The following MCM8 variants were observed in gnomAD, a reference collection of about 807,000 sequenced individuals.
MCM8 encodes minichromosome maintenance 8 homologous recombination repair factor, also known as DNA helicase MCM8.
In MCM8, 85 loss-of-function variants were observed where a neutral mutation model predicts 98.9. That is an observed-to-expected ratio of 0.86 (90% confidence interval 0.72 to 1.03). The LOEUF (loss-of-function observed/expected upper bound fraction) is 1.03. Ranked by LOEUF, MCM8 falls within the 50% of genes least tolerant of loss-of-function variation. The probability of loss-of-function intolerance (pLI) is 0.00; values close to 1 mark genes in which losing one functional copy is unlikely to be tolerated. For synonymous variants in MCM8, 352 were observed against 338.6 expected (o/e 1.04, Z -0.44); for missense variants, 951 against 997.8 (o/e 0.95, Z 0.63).
chr20:5,951,466 C>G (rs1370213306), intron 1 of MCM8, among the ~76,000 whole-genome samples: 1 of 152,024 alleles, frequency 6.6e-6, no homozygotes, highest in Non-Finnish European at 1.5e-5. Flanking sequence ...TACTTGTATA[C>G]TTAGGATATG....
chr20:5,991,549 A>G (rs1217396731), intron 17 of MCM8: 1 of 152,218 alleles, frequency 6.6e-6, no homozygotes, highest in African/African-American at 2.4e-5. Flanking sequence ...TTGTCTCAGT[A>G]TGTTTACTGG....
At chr20:5,984,648 CT>C (rs2089693190) in intron 14 of MCM8, 132 bp from the exon 15 acceptor site, 1 of 658,654 alleles carries the variant, frequency 1.5e-6, no homozygotes, top group Non-Finnish European at 2.6e-6. Context: ...AAGCTATTTG[CT>C]TATTTCTTTA....
chr20:5,986,099 A>G lies in MCM8; in HGVS notation c.2131A>G (p.Arg711Gly). Residue 711 changes from arginine to glycine, a missense_variant, in exon 16 of 19, where the codon AGG (arginine) becomes GGG (glycine). Transcript: ENST00000610722. ...GTTAAATAGCTCACCAATCACTACC[A>G]GGCAGCTGGAATCTTTGATTCGTCT... ...QRLNSSPITT[R>G]QLESLIRLTE... The G allele has an allele frequency of 7.4e-6, 12 of 1,614,180 alleles. No homozygotes were observed. Among genetic ancestry groups the G allele is most frequent in the Non-Finnish European group, 1.0e-5 (12 of 1,180,022 alleles).
chr20:5,996,670 C>G lies in MCM8; in HGVS notation c.*2279C>G, dbSNP rs1310814663. ...TTATTGTTCAAAGAGGAAAATAAGT[C>G]TCAAAGGTTAAGGCTATTATATAAA... On this transcript the variant is annotated 3_prime_UTR_variant, in exon 19 of 19. Coordinates refer to ENST00000610722, the MANE Select transcript of MCM8 (RefSeq NM_032485.6). 6.6e-6 allele frequency: 1 copy of G among 152,106 alleles called. No homozygotes were observed. The highest frequency in any genetic ancestry group is 2.4e-5 in the African/African-American group (1 of 41,422). 9.4% of individuals were successfully genotyped at this position (152,106 alleles called of 1,614,324 possible).
At chr20:5,988,517 C>T (rs558781471) in intron 17 of MCM8, among the ~76,000 whole-genome samples, 9 of 151,836 alleles carry the variant, frequency 5.9e-5, no homozygotes, top group African/African-American at 2.2e-4. Context: ...TTAATAGTTA[C>T]CCCGTTCTTC....
intron 10 of MCM8, 76 bp downstream of exon 10, chr20:5,968,101 C>A: frequency 7.5e-7 from 1 of 1,325,512 alleles, no homozygotes; most frequent in Non-Finnish European, 1.0e-6. Flanking sequence ...TAACAAAAAA[C>A]TAGTCAAAAT....
At chr20:5,958,017 T>C (rs1436865376) in intron 6 of MCM8, among the ~76,000 whole-genome samples, 1 of 152,202 alleles carries the variant, frequency 6.6e-6, no homozygotes, top group African/African-American at 2.4e-5. Context: ...TCTTTTTTCT[T>C]TTTTCCTTGA....
chr20:5,962,733 C>G (rs1011055747), intron 7 of MCM8, among the ~76,000 whole-genome samples: 1 of 152,150 alleles, frequency 6.6e-6, no homozygotes, highest in Admixed American at 6.5e-5. Flanking sequence ...AATATTGTTG[C>G]AATCATATTT....
chr20:5,993,761 C>T (rs1038318437), intron 18 of MCM8, 66 bp downstream of exon 18: 2 of 1,287,686 alleles, frequency 1.6e-6, no homozygotes, highest in Non-Finnish European at 2.1e-6. Flanking sequence ...TATAGTAGAA[C>T]AGAAACAGTT....
chr20:5,954,973 C>T lies in MCM8; in HGVS notation c.337-129C>T, dbSNP rs111278651. 8.4e-5 allele frequency: 57 copies of T among 676,934 alleles called. 1 individual carries two copies. Among genetic ancestry groups the T allele is most frequent in the Middle Eastern group, 7.9e-4 (2 of 2,522 alleles). 41.9% of individuals were successfully genotyped at this position (676,934 alleles called of 1,614,324 possible). A position where few individuals can be genotyped will look rare whatever the true frequency, so the allele number is the denominator to read the frequency against. ...AACCATGCTTGGCACAAAGCTTATA[C>T]TTATGTCATACTTACCATTATCACA... On this transcript the variant is annotated intron_variant, in intron 4 of 18. Transcript: ENST00000610722.
chr20:5,976,024 G>A (rs969031561), intron 12 of MCM8, among the ~76,000 whole-genome samples: 1 of 151,994 alleles, frequency 6.6e-6, no homozygotes, highest in Admixed American at 6.5e-5. Flanking sequence ...TTTTAAAAAC[G>A]AGACTAACAG....
rs2089977522 is a variant in MCM8, at chr20:5,997,763, C to T, written c.*3372C>T. ...GAACTACAGGAATGCAACACCATGC[C>T]CAGCTAATTTTGATTTTTAGTAGAG... is the stretch of plus-strand genomic sequence containing the variant. On this transcript the variant is annotated 3_prime_UTR_variant, in exon 19 of 19. Coordinates refer to ENST00000610722, the MANE Select transcript of MCM8 (RefSeq NM_032485.6). 1 of 152,238 alleles carries T rather than the reference C, an allele frequency of 6.6e-6. No homozygotes were observed. Among genetic ancestry groups the T allele is most frequent in the Admixed American group, 6.5e-5 (1 of 15,270 alleles). The allele number at this position is 152,238 out of a possible 1,614,324, so 9.4% of individuals were successfully genotyped here.
At chr20:5,973,496 T>C (rs1014007140) in intron 12 of MCM8, among the ~76,000 whole-genome samples, 4 of 152,266 alleles carry the variant, frequency 2.6e-5, no homozygotes, top group Non-Finnish European at 4.4e-5. Context: ...TTAGTTGTTA[T>C]GTGACCTCAC....
At chr20:5,952,266 A>G in intron 2 of MCM8, 103 bp downstream of exon 2, 2 of 1,563,796 alleles carry the variant, frequency 1.3e-6, no homozygotes, top group Non-Finnish European at 1.7e-6. Context: ...CTTTTATTTC[A>G]TGCTACTCCT....
intron 13 of MCM8, among the ~76,000 whole-genome samples, 171 bp from the exon 14 acceptor site, chr20:5,982,799 A>G (rs2089654756): frequency 2.0e-5 from 3 of 152,254 alleles, no homozygotes; most frequent in Admixed American, 2.0e-4. Context: ...AATAAGACAA[A>G]TGTATTAACT....
chr20:5,956,772 G>A lies in MCM8; in HGVS notation c.487-354G>A, dbSNP rs184861966. 2.7e-3 allele frequency among the ~76,000 whole-genome samples: 403 copies of A among 151,928 alleles called. 4 individuals are homozygous for A. Among genetic ancestry groups the A allele is most frequent in the Non-Finnish European group, 3.6e-3 (246 of 67,940 alleles). On this transcript the variant is annotated intron_variant, in intron 5 of 18. Coordinates refer to ENST00000610722, the MANE Select transcript of MCM8 (RefSeq NM_032485.6). Reference sequence around the variant, plus strand: ...AGGTCATTTTTATTTTCTGTGTCTTGATTGGTCAGTGAATATAGAGAAATA... The same window carrying A: ...AGGTCATTTTTATTTTCTGTGTCTTAATTGGTCAGTGAATATAGAGAAATA...
chr20:5,959,604 C>A (rs1217883321), intron 7 of MCM8, among the ~76,000 whole-genome samples: 5 of 151,346 alleles, frequency 3.3e-5, no homozygotes, highest in African/African-American at 7.3e-5. Flanking sequence ...TGTGCTCTTT[C>A]CAGTTTTTTA....
At chr20:5,951,961 C>T (rs1228655429) in intron 1 of MCM8, 50 bp from the exon 2 acceptor site, 6 of 1,553,290 alleles carry the variant, frequency 3.9e-6, no homozygotes, top group African/African-American at 2.8e-5. Flanking sequence ...TTTAAGAGCA[C>T]TATTTTCCTT....
chr20:5,975,795 C>CT (rs555500729), intron 12 of MCM8, among the ~76,000 whole-genome samples: 2,066 of 141,818 alleles, frequency 0.015, 13 homozygotes, highest in Middle Eastern at 0.018. Context: ...CACGCCTGGC[C>CT]TTTTTTTTTT....
Sources: allele counts gnomAD v4.1 joint callset (sites outside exome capture counted in the v4.1 genomes callset), GRCh38; gene constraint gnomAD v4.1.1; transcripts MANE v1.5; gene names NCBI Gene and HGNC (gene_info 2026-07-23, HGNC 2026-07-21).